ZBTB20: variants seen among roughly 807,000 people sequenced by gnomAD.
The protein encoded by ZBTB20 is zinc finger and BTB domain-containing protein 20.
ZBTB20 carries 9 observed loss-of-function variants against 56.9 expected under a neutral mutation model. That is an observed-to-expected ratio of 0.16 (90% CI 0.10 to 0.28). ZBTB20 has a LOEUF of 0.28. ZBTB20 is among the 10% of genes least tolerant of loss of function. The pLI is 1.00. For missense variants in ZBTB20, 655 were observed against 1,003.0 expected (o/e 0.65, Z 4.69); for synonymous variants, 417 against 420.7 (o/e 0.99, Z 0.11).
chr3:114,694,917 G>A (rs2062913449), intron 5 of ZBTB20, among the ~76,000 whole-genome samples: 1 of 152,054 alleles, frequency 6.6e-6, no homozygotes, highest in African/African-American at 2.4e-5. Flanking sequence ...CACTACTACA[G>A]TCTGAAGAGT....
At position 114,321,060 on chromosome 3, in the gene ZBTB20, T is replaced by TGGACAGC. The variant is rs2078876291; in HGVS notation, c.*17944_*17945insGCTGTCC. ...CCTCCAAGTTATGTTAGGTGGACAG[T>TGGACAGC]AAGACCAGGTGGACAGCATTTGAGA... On this transcript the variant is annotated 3_prime_UTR_variant, in exon 12 of 12. Coordinates refer to ENST00000675478, the MANE Select transcript of ZBTB20 (RefSeq NM_001348800.3). The TGGACAGC allele has an allele frequency of 6.6e-6, 1 of 152,196 alleles. No individual in the cohort carries two copies. 9.4% of individuals were successfully genotyped at this position (152,196 alleles called of 1,614,324 possible).
intron 2 of ZBTB20, among the ~76,000 whole-genome samples, chr3:115,050,558 A>G (rs762396750): frequency 3.9e-5 from 6 of 152,006 alleles, no homozygotes; most frequent in Admixed American, 1.3e-4. Flanking sequence ...ACATTTTATA[A>G]ATTATGATAC....
chr3:114,578,846 T>C (rs1204863132), intron 6 of ZBTB20, among the ~76,000 whole-genome samples: 2 of 151,772 alleles, frequency 1.3e-5, no homozygotes, highest in Non-Finnish European at 3.0e-5. Flanking sequence ...GATCTAAGAA[T>C]AATGGTAGGC....
chr3:114,417,706 T>C (rs890338293), intron 7 of ZBTB20, among the ~76,000 whole-genome samples: 2 of 152,030 alleles, frequency 1.3e-5, no homozygotes, highest in African/African-American at 2.4e-5. Context: ...TCCAGATGAA[T>C]ATACTCAATA....
At chr3:115,145,700 G>C (rs544711128) in intron 1 of ZBTB20, among the ~76,000 whole-genome samples, 2 of 152,132 alleles carry the variant, frequency 1.3e-5, no homozygotes. Flanking sequence ...GAGTGGAGGG[G>C]GATCTATATA....
intron 6 of ZBTB20, among the ~76,000 whole-genome samples, chr3:114,537,638 A>G (rs1357499311): frequency 6.6e-6 from 1 of 152,206 alleles, no homozygotes; most frequent in Non-Finnish European, 1.5e-5. Flanking sequence ...ATTACTGAGT[A>G]CATACCCAAA....
rs556369405 is a variant in ZBTB20, at chr3:114,408,773, TC to T, written c.-254-19669del. On this transcript the variant is annotated intron_variant, in intron 7 of 11. Transcript: ENST00000675478. ...AAACAAAGCACATTTATATACTTTT[TC>T]TTTTAAAAATTACTTTCATTGGTTA... Among the ~76,000 whole-genome samples, 29 of 152,096 alleles carry T rather than the reference TC, an allele frequency of 1.9e-4. No individual in the cohort carries two copies. The East Asian group carries it at 4.6e-3, about 24-fold the overall frequency.
intron 7 of ZBTB20, among the ~76,000 whole-genome samples, chr3:114,468,753 A>G (rs2092645403): frequency 1.3e-5 from 2 of 152,138 alleles, no homozygotes; most frequent in African/African-American, 4.8e-5. Flanking sequence ...GGAAACTTTA[A>G]CAGGTAATAC....
At chr3:114,840,430 C>G (rs1221481035) in intron 4 of ZBTB20, among the ~76,000 whole-genome samples, 1 of 152,230 alleles carries the variant, frequency 6.6e-6, no homozygotes, top group African/African-American at 2.4e-5. Context: ...TTTATTACAA[C>G]CTGACTATTC....
intron 2 of ZBTB20, among the ~76,000 whole-genome samples, chr3:115,059,318 T>C (rs1576674671): frequency 1.3e-5 from 2 of 152,360 alleles, no homozygotes; most frequent in Admixed American, 1.3e-4. Context: ...TCTGGCAGGC[T>C]GGTTAATAGC....
chr3:115,142,445 G>A (rs181919536), intron 1 of ZBTB20, among the ~76,000 whole-genome samples: 3 of 152,160 alleles, frequency 2.0e-5, no homozygotes, highest in African/African-American at 4.8e-5. Context: ...GGCAGATCAC[G>A]AGGTCAGGAG....
chr3:114,822,854 A>G (rs1449714837), intron 4 of ZBTB20, among the ~76,000 whole-genome samples: 1 of 152,076 alleles, frequency 6.6e-6, no homozygotes, highest in Non-Finnish European at 1.5e-5. Context: ...TTTTAATACC[A>G]TGGGAAAAAG....
At chr3:115,136,932 T>C (rs1208365431) in intron 1 of ZBTB20, among the ~76,000 whole-genome samples, 1 of 152,082 alleles carries the variant, frequency 6.6e-6, no homozygotes, top group Admixed American at 6.6e-5. Flanking sequence ...ACAAACAACA[T>C]AGCTGTTAAG....
chr3:114,576,289 G>C (rs2054004761), intron 6 of ZBTB20, among the ~76,000 whole-genome samples: 2 of 151,694 alleles, frequency 1.3e-5, no homozygotes, highest in Non-Finnish European at 2.9e-5. Context: ...CATGAGGTCA[G>C]GAGATCGAGA....
At chr3:114,526,631 C>A (rs981686821) in intron 6 of ZBTB20, among the ~76,000 whole-genome samples, 2 of 152,126 alleles carry the variant, frequency 1.3e-5, no homozygotes, top group African/African-American at 2.4e-5. Context: ...CAAAACTAAC[C>A]TTTTACCAGG....
At chr3:115,043,518 G>A (rs1235090199) in intron 2 of ZBTB20, among the ~76,000 whole-genome samples, 6 of 151,392 alleles carry the variant, frequency 4.0e-5, no homozygotes, top group South Asian at 4.2e-4. Flanking sequence ...GCACTGAGCC[G>A]AGATTGTACC....
chr3:114,936,745 A>T (rs1191568141), intron 3 of ZBTB20, among the ~76,000 whole-genome samples: 1 of 152,186 alleles, frequency 6.6e-6, no homozygotes, highest in East Asian at 1.9e-4. Flanking sequence ...GTGTTGGAAG[A>T]GGCACTGCAG....
chr3:115,109,239 G>A (rs1355971403), intron 1 of ZBTB20, among the ~76,000 whole-genome samples: 1 of 151,820 alleles, frequency 6.6e-6, no homozygotes, highest in African/African-American at 2.4e-5. Flanking sequence ...TAATACAAAA[G>A]GAAAGGAAAG....
chr3:115,001,371 A>G (rs1018554867), intron 2 of ZBTB20, among the ~76,000 whole-genome samples: 1 of 151,466 alleles, frequency 6.6e-6, no homozygotes, highest in South Asian at 2.1e-4. Flanking sequence ...CATTTAATAC[A>G]CATTCCAGAA....
Sources: allele counts gnomAD v4.1 joint callset (sites outside exome capture counted in the v4.1 genomes callset), GRCh38; gene constraint gnomAD v4.1.1; transcripts MANE v1.5; gene names NCBI Gene and HGNC (gene_info 2026-07-23, HGNC 2026-07-21).